The following FREM2 variants were observed in gnomAD, a reference collection of about 807,000 sequenced individuals.
FREM2 encodes the protein FRAS1-related extracellular matrix protein 2.
In FREM2, 119 loss-of-function variants were observed where a neutral mutation model predicts 219.9. The ratio of observed to expected loss-of-function variants is 0.54; its 90% CI spans 0.47 to 0.63. FREM2 has a LOEUF of 0.63. Among genes scored for constraint, FREM2 ranks in the 30% least tolerant of loss-of-function variants. FREM2 has a pLI of 0.00. For synonymous variants in FREM2, 1,562 were observed against 1,522.8 expected (o/e 1.03, Z -0.60); for missense variants, 4,030 against 3,993.6 (o/e 1.01, Z -0.25).
At chr13:38,844,301 C>CT (rs1877069116) in intron 6 of FREM2, among the ~76,000 whole-genome samples, 1 of 152,104 alleles carries the variant, frequency 6.6e-6, no homozygotes, top group Admixed American at 6.6e-5. Context: ...CTCTGTCTTG[C>CT]TTACGTACAC....
intron 6 of FREM2, among the ~76,000 whole-genome samples, chr13:38,800,159 C>T (rs1219283090): frequency 6.6e-6 from 1 of 151,864 alleles, no homozygotes; most frequent in Non-Finnish European, 1.5e-5. Flanking sequence ...ATGAGTTTTA[C>T]AGTTTTGTGT....
chr13:38,835,168 C>T (rs1487118420), intron 6 of FREM2, among the ~76,000 whole-genome samples: 1 of 152,172 alleles, frequency 6.6e-6, no homozygotes, highest in African/African-American at 2.4e-5. Flanking sequence ...CTGTGTATGG[C>T]TAGCCAGTTT....
chr13:38,799,276 AG>A (rs1192045240), intron 6 of FREM2, among the ~76,000 whole-genome samples: 1 of 151,842 alleles, frequency 6.6e-6, no homozygotes, highest in Admixed American at 6.6e-5. Flanking sequence ...TAGGTTCCAA[AG>A]TCCCTTTTTT....
intron 2 of FREM2, among the ~76,000 whole-genome samples, chr13:38,736,049 C>A (rs947995867): frequency 6.6e-6 from 1 of 152,086 alleles, no homozygotes; most frequent in African/African-American, 2.4e-5. Flanking sequence ...TTAGGCTGTG[C>A]GAAAGGGCTT....
In FREM2 at chr13:38,687,218, C is replaced by G; in HGVS notation, c.-127C>G. The G allele has an allele frequency of 7.4e-7, 1 of 1,349,010 alleles. No homozygotes were observed. Among genetic ancestry groups the G allele is most frequent in the Non-Finnish European group, 1.0e-6 (1 of 971,468 alleles). 83.6% of individuals were successfully genotyped at this position (1,349,010 alleles called of 1,614,324 possible). ...TGCCATCCTTCTGGCCCAGCCCCGG[C>G]TACAGGAGGACCCCGCGGGCAACGC... On this transcript the variant is annotated 5_prime_UTR_variant, in exon 1 of 24. Transcript: ENST00000280481.
intron 16 of FREM2, among the ~76,000 whole-genome samples, chr13:38,865,247 C>T (rs1246150128): frequency 6.6e-6 from 1 of 152,110 alleles, no homozygotes; most frequent in Non-Finnish European, 1.5e-5. Context: ...CACATTCACA[C>T]ATAAAATACA....
In FREM2 at chr13:38,719,884, A is replaced by T. The variant is rs578148012; in HGVS notation, c.5263+22097A>T. On this transcript the variant is annotated intron_variant, in intron 2 of 23. Transcript: ENST00000280481. The stretch of plus-strand genomic sequence containing the variant: ...ATGCAAAACACAGGTTCTCCTTTGC[A>T]AAAATATCTAACTTGCTGCCTGTCA... Among the ~76,000 whole-genome samples the T allele has an allele frequency of 2.1e-4, 32 of 152,328 alleles. 1 individual carries two copies. The highest frequency in any genetic ancestry group is 6.5e-4 in the African/African-American group (27 of 41,582).
intron 6 of FREM2, among the ~76,000 whole-genome samples, chr13:38,798,116 T>C (rs1874864796): frequency 1.3e-5 from 2 of 152,278 alleles, no homozygotes; most frequent in African/African-American, 4.8e-5. Flanking sequence ...GGGTTTGTTA[T>C]ATATGGCCTT....
intron 2 of FREM2, among the ~76,000 whole-genome samples, chr13:38,724,602 A>T (rs985257522): frequency 5.9e-5 from 9 of 152,184 alleles, no homozygotes; most frequent in Middle Eastern, 3.2e-3. Flanking sequence ...AAAGTTATTT[A>T]AAAAAATTGA....
chr13:38,718,644 C>T (rs1192160788), intron 2 of FREM2, among the ~76,000 whole-genome samples: 1 of 150,856 alleles, frequency 6.6e-6, no homozygotes, highest in African/African-American at 2.4e-5. Flanking sequence ...TTCTCCCTCT[C>T]TCTTTTTCTT....
intron 6 of FREM2, among the ~76,000 whole-genome samples, chr13:38,794,331 A>G (rs1368378741): frequency 6.6e-6 from 1 of 152,188 alleles, no homozygotes; most frequent in Admixed American, 6.5e-5. Context: ...TAAGAACCAA[A>G]CACATCTCAG....
chr13:38,873,991 C>G (rs936777380), intron 17 of FREM2, among the ~76,000 whole-genome samples: 10 of 152,130 alleles, frequency 6.6e-5, no homozygotes, highest in African/African-American at 2.4e-4. Flanking sequence ...TTCTGTGGTT[C>G]CCAACCTCCA....
intron 2 of FREM2, among the ~76,000 whole-genome samples, chr13:38,720,922 G>C (rs892946915): frequency 2.0e-5 from 3 of 152,134 alleles, no homozygotes; most frequent in African/African-American, 7.2e-5. Flanking sequence ...TATTGTTCAG[G>C]ATATTATCAG....
In FREM2 at chr13:38,792,390, T is replaced by G. The variant is rs117007525; in HGVS notation, c.6019+7582T>G. ...AAAGTCCCTTCAATTTTTCCATGAA[T>G]CAAAATGTCTCTGGAGTGTATACAA... On this transcript the variant is annotated intron_variant, in intron 6 of 23. Coordinates refer to ENST00000280481, the MANE Select transcript of FREM2 (RefSeq NM_207361.6). Among the ~76,000 whole-genome samples the G allele has an allele frequency of 2.4e-3, 364 of 152,232 alleles. 10 individuals are homozygous for G. The East Asian group carries it at 0.065, about 27-fold the overall frequency.
intron 6 of FREM2, among the ~76,000 whole-genome samples, chr13:38,809,966 A>T (rs1270946408): frequency 1.3e-5 from 2 of 152,020 alleles, no homozygotes; most frequent in Non-Finnish European, 2.9e-5. Flanking sequence ...TATGCACATG[A>T]AATATCTTTC....
At chr13:38,701,325 A>T (rs949086031) in intron 2 of FREM2, among the ~76,000 whole-genome samples, 2 of 152,062 alleles carry the variant, frequency 1.3e-5, no homozygotes, top group African/African-American at 4.8e-5. Flanking sequence ...GCTTCATCTA[A>T]TGAGCTCGTG....
At chr13:38,843,213 G>A (rs551420283) in intron 6 of FREM2, among the ~76,000 whole-genome samples, 7 of 152,196 alleles carry the variant, frequency 4.6e-5, no homozygotes, top group South Asian at 2.1e-4. Flanking sequence ...GGCTTTATTT[G>A]ATCATCCTCT....
At chr13:38,843,055 G>A (rs1424860350) in intron 6 of FREM2, among the ~76,000 whole-genome samples, 2 of 152,078 alleles carry the variant, frequency 1.3e-5, no homozygotes, top group Non-Finnish European at 2.9e-5. Context: ...ACCCTCACTA[G>A]GCCAATTCAA....
In FREM2 at chr13:38,882,556, A is replaced by T. The variant is rs1426199776; in HGVS notation, c.*1769A>T. 6.6e-6 allele frequency: 1 copy of T among 152,154 alleles called. No homozygotes were observed. Among genetic ancestry groups the T allele is most frequent in the Non-Finnish European group, 1.5e-5 (1 of 68,012 alleles). The allele number at this position is 152,154 out of a possible 1,614,324, so 9.4% of individuals were successfully genotyped here. A position where few individuals can be genotyped will look rare whatever the true frequency, so the allele number is the denominator to read the frequency against. ...TAAAAATAGACTGTAGTATCCTTTC[A>T]TTGGAGAATTTACAAAAATATCATC... On this transcript the variant is annotated 3_prime_UTR_variant, in exon 24 of 24. Coordinates refer to ENST00000280481, the MANE Select transcript of FREM2 (RefSeq NM_207361.6).
Sources: allele counts gnomAD v4.1 joint callset (sites outside exome capture counted in the v4.1 genomes callset), GRCh38; gene constraint gnomAD v4.1.1; transcripts MANE v1.5; gene names NCBI Gene and HGNC (gene_info 2026-07-23, HGNC 2026-07-21).